CSMD1: variants seen among roughly 807,000 people sequenced by gnomAD.
CSMD1 encodes CUB and Sushi multiple domains 1.
CSMD1 carries 213 observed loss-of-function variants against 417.5 expected under a neutral mutation model. That is an observed-to-expected ratio of 0.51 (90% confidence interval 0.46 to 0.57). The LOEUF is 0.57. Ranked by LOEUF, CSMD1 falls within the 20% of genes least tolerant of loss-of-function variation. The pLI is 0.00. For synonymous variants in CSMD1, 2,862 were observed against 1,736.8 expected (o/e 1.65, Z -16.11); for missense variants, 6,923 against 4,529.7 (o/e 1.53, Z -15.17).
At chr8:4,058,658 C>T (rs1183215549) in intron 3 of CSMD1, among the ~76,000 whole-genome samples, 1 of 147,474 alleles carries the variant, frequency 6.8e-6, no homozygotes, top group East Asian at 2.0e-4. Flanking sequence ...TCTGATAAAA[C>T]AGACTTTAAA....
intron 1 of CSMD1, among the ~76,000 whole-genome samples, chr8:4,937,752 T>C (rs1048510400): frequency 4.2e-4 from 64 of 151,688 alleles, no homozygotes; most frequent in African/African-American, 1.5e-3. Flanking sequence ...TGTGATCTGA[T>C]CTAGAGAGAA....
rs112381241 is a variant in CSMD1 at position 4,643,883 on chromosome 8, C to T, written c.86-6325G>A. On this transcript the variant is annotated intron_variant, in intron 1 of 69. Transcript: ENST00000635120. ...AAAGTCTTCAGGCATTTTGCAGGAA[C>T]ACCATGCCCTGTAGGAGGCTTTGAA... is the stretch of plus-strand genomic sequence containing the variant. Among the ~76,000 whole-genome samples, 628 of 152,290 alleles carry T rather than the reference C, an allele frequency of 4.1e-3. 2 individuals carry two copies. Among genetic ancestry groups the T allele is most frequent in the African/African-American group, 0.015 (605 of 41,570 alleles).
At chr8:4,884,969 C>T (rs1166954187) in intron 1 of CSMD1, among the ~76,000 whole-genome samples, 16 of 152,128 alleles carry the variant, frequency 1.1e-4, no homozygotes, top group Non-Finnish European at 2.4e-4. Flanking sequence ...AATCTCCCAA[C>T]ACAGAAATTC....
chr8:3,871,486 A>G (rs780813418), intron 5 of CSMD1, among the ~76,000 whole-genome samples: 2 of 152,174 alleles, frequency 1.3e-5, no homozygotes, highest in African/African-American at 2.4e-5. Context: ...ATTTATTTTC[A>G]TAGACTTAAT....
chr8:3,472,321 C>G (rs986591536), intron 11 of CSMD1, among the ~76,000 whole-genome samples: 3 of 152,094 alleles, frequency 2.0e-5, no homozygotes, highest in Non-Finnish European at 4.4e-5. Flanking sequence ...CATCTTTTAA[C>G]TATTGTAAGT....
At chr8:3,940,225 GAGA>G (rs1196112768) in intron 5 of CSMD1, among the ~76,000 whole-genome samples, 1 of 152,006 alleles carries the variant, frequency 6.6e-6, no homozygotes, top group African/African-American at 2.4e-5. Flanking sequence ...CCAAAAAACA[GAGA>G]AGTTAATTTT....
chr8:3,682,479 C>G (rs145730013), intron 7 of CSMD1, among the ~76,000 whole-genome samples: 2 of 152,006 alleles, frequency 1.3e-5, no homozygotes, highest in African/African-American at 4.8e-5. Context: ...ATGCAAATCA[C>G]AACCACAATG....
intron 5 of CSMD1, among the ~76,000 whole-genome samples, chr8:3,860,595 T>A (rs539031222): frequency 6.6e-6 from 1 of 152,144 alleles, no homozygotes; most frequent in Non-Finnish European, 1.5e-5. Context: ...ATATTACACA[T>A]CATATATGAA....
chr8:3,549,062 C>T (rs1272210066), intron 10 of CSMD1, among the ~76,000 whole-genome samples: 1 of 152,178 alleles, frequency 6.6e-6, no homozygotes, highest in Non-Finnish European at 1.5e-5. Context: ...TGATATCAAC[C>T]CCACTTCCCT....
intron 3 of CSMD1, among the ~76,000 whole-genome samples, chr8:4,231,377 G>C (rs566602888): frequency 7.2e-5 from 11 of 152,128 alleles, no homozygotes; most frequent in Non-Finnish European, 1.3e-4. Context: ...TTCCTCCTCT[G>C]AGAGAATAGG....
chr8:3,804,642 C>G (rs187552812), intron 5 of CSMD1, among the ~76,000 whole-genome samples: 31 of 152,110 alleles, frequency 2.0e-4, no homozygotes, highest in African/African-American at 7.5e-4. Context: ...AAAATGCACA[C>G]ATAATTCAAA....
At chr8:4,823,964 A>G (rs1255149972) in intron 1 of CSMD1, among the ~76,000 whole-genome samples, 1 of 151,986 alleles carries the variant, frequency 6.6e-6, no homozygotes, top group Non-Finnish European at 1.5e-5. Flanking sequence ...CTAAGTGCAC[A>G]CATACACACC....
chr8:4,596,996 T>A (rs1273266882), intron 2 of CSMD1, among the ~76,000 whole-genome samples: 1 of 152,214 alleles, frequency 6.6e-6, no homozygotes, highest in Non-Finnish European at 1.5e-5. Context: ...CCTCCCGCCA[T>A]GATTCTGAGG....
chr8:4,865,383 A>G (rs1339913956), intron 1 of CSMD1, among the ~76,000 whole-genome samples: 2 of 151,916 alleles, frequency 1.3e-5, no homozygotes, highest in Admixed American at 6.6e-5. Flanking sequence ...CTTTCTGCCT[A>G]TAACTGATGA....
chr8:3,213,949 G>A (rs111311569), intron 30 of CSMD1, among the ~76,000 whole-genome samples: 8 of 151,746 alleles, frequency 5.3e-5, no homozygotes, highest in African/African-American at 7.2e-5. Flanking sequence ...AGGTTCAAGC[G>A]ATTCTCCTGC....
intron 3 of CSMD1, among the ~76,000 whole-genome samples, chr8:4,382,967 C>G (rs1264469196): frequency 6.6e-6 from 1 of 152,272 alleles, no homozygotes; most frequent in East Asian, 1.9e-4. Context: ...CAGGGGATGA[C>G]AAAGAACTGA....
chr8:4,120,618 T>C (rs1379280731), intron 3 of CSMD1, among the ~76,000 whole-genome samples: 3 of 152,218 alleles, frequency 2.0e-5, no homozygotes, highest in Non-Finnish European at 4.4e-5. Context: ...AAATAGACAG[T>C]CTGTGTACCT....
At chr8:3,229,927 G>C (rs1369286158) in intron 27 of CSMD1, 113 bp downstream of exon 27, 3 of 776,188 alleles carry the variant, frequency 3.9e-6, no homozygotes, top group Non-Finnish European at 5.9e-6. Context: ...CAGAGAACAT[G>C]AAAGAAACTC....
intron 6 of CSMD1, among the ~76,000 whole-genome samples, chr8:3,735,152 A>G (rs1423063877): frequency 1.3e-5 from 2 of 152,218 alleles, no homozygotes; most frequent in Non-Finnish European, 2.9e-5. Context: ...TTCAGCTGAT[A>G]CATTCCCAAG....
Sources: gnomAD v4.1 joint callset for allele counts (sites outside exome capture counted in the v4.1 genomes callset) on GRCh38, gnomAD v4.1.1 for gene constraint, MANE v1.5 for transcripts, NCBI Gene and HGNC (gene_info 2026-07-23, HGNC 2026-07-21) for gene names.